Variants in TMEM40 observed in about 807,000 individuals in gnomAD.
TMEM40 encodes transmembrane protein 40.
In TMEM40, 34 loss-of-function variants were observed where a neutral mutation model predicts 40.8. The ratio of observed to expected loss-of-function variants is 0.83; its 90% confidence interval spans 0.63 to 1.11. The LOEUF (loss-of-function observed/expected upper bound fraction) is 1.11. Ranked by LOEUF, TMEM40 falls within the 50% of genes least tolerant of loss-of-function variation. The pLI, the probability that TMEM40 is intolerant of heterozygous loss-of-function variation, is 0.00. For missense variants in TMEM40, 296 were observed against 280.2 expected, an observed-to-expected ratio of 1.06 and a Z score of -0.40; for synonymous variants, 106 against 107.0, an observed-to-expected ratio of 0.99 and a Z score of 0.06.
In TMEM40 at chr3:12,755,233, C is replaced by CTCTGTCTTTCTTTCTT. The variant is rs1553634013; in HGVS notation, c.-9+3957_-9+3958insAAGAAAGAAAGACAGA. On this transcript the variant is annotated intron_variant, in intron 1 of 11. Transcript: ENST00000314124. ...TTTCTTTCTCTCTCTCTCTCTCTCT[C>CTCTGTCTTTCTTTCTT]TCTTTCTTTCTTTCTTTCTTTCTTT... Among the ~76,000 whole-genome samples, 8 of 59,886 alleles carry CTCTGTCTTTCTTTCTT rather than the reference C, an allele frequency of 1.3e-4. 2 individuals carry two copies. Among genetic ancestry groups the CTCTGTCTTTCTTTCTT allele is most frequent in the African/African-American group, 5.7e-4 (8 of 13,980 alleles). 39.3% of individuals were successfully genotyped at this position (59,886 alleles called of 152,430 possible). A position where few individuals can be genotyped will look rare whatever the true frequency, so the allele number is the denominator to read the frequency against.
chr3:12,735,403 A>T, intron 11 of TMEM40, 152 bp downstream of exon 11: 1 of 731,272 alleles, frequency 1.4e-6, no homozygotes, highest in South Asian at 1.6e-5. Flanking sequence ...CGGCTCATCC[A>T]GGGTCACAGA....
At position 12,734,122 on chromosome 3, in the gene TMEM40, C is replaced by G. The variant is rs1353008754; in HGVS notation, c.*652G>C. ...GAGATGGGGGTCTCACTATGTTGCCCAGGTTGGTCTTGAACTCTCAGCTTC... is the reference window on the plus strand; with the variant it reads ...GAGATGGGGGTCTCACTATGTTGCCGAGGTTGGTCTTGAACTCTCAGCTTC... On this transcript the variant is annotated 3_prime_UTR_variant, in exon 12 of 12. Coordinates refer to ENST00000314124, the MANE Select transcript of TMEM40 (RefSeq NM_018306.4). 6.6e-6 allele frequency: 1 copy of G among 152,122 alleles called. No homozygotes were observed. Among genetic ancestry groups the G allele is most frequent in the Non-Finnish European group, 1.5e-5 (1 of 68,108 alleles). 9.4% of individuals were successfully genotyped at this position (152,122 alleles called of 1,614,324 possible). A position where few individuals can be genotyped will look rare whatever the true frequency, so the allele number is the denominator to read the frequency against.
At chr3:12,765,278 C>G (rs2061589142) in intron 1 of TMEM40, among the ~76,000 whole-genome samples, 1 of 152,026 alleles carries the variant, frequency 6.6e-6, no homozygotes, top group Non-Finnish European at 1.5e-5. Flanking sequence ...GCAGAAAAAT[C>G]CTTTTGACAA....
upstream of TMEM40, among the ~76,000 whole-genome samples, chr3:12,761,706 C>A (rs976412730): frequency 2.6e-5 from 4 of 152,012 alleles, no homozygotes. Flanking sequence ...TGAGCATGAG[C>A]CATGCAGGGG....
chr3:12,769,228 C>A, intron 1 of TMEM40: 1 of 403,714 alleles, frequency 2.5e-6, no homozygotes, highest in Non-Finnish European at 5.1e-6. Flanking sequence ...CCCCGGTTCC[C>A]GCCCGTGCCT....
At chr3:12,761,838 G>A (rs1231569350), upstream of TMEM40, among the ~76,000 whole-genome samples, 1 of 152,082 alleles carries the variant, frequency 6.6e-6, no homozygotes, top group Admixed American at 6.6e-5. Context: ...AATGTGCTGT[G>A]AGTGTAAAAT....
At chr3:12,738,021 C>A in intron 7 of TMEM40, 115 bp downstream of exon 7, 1 of 1,315,136 alleles carries the variant, frequency 7.6e-7, no homozygotes, top group Non-Finnish European at 1.1e-6. Flanking sequence ...GTGACACTGG[C>A]TGGCGACAGC....
At chr3:12,758,369 A>G (rs929839450) in intron 1 of TMEM40, among the ~76,000 whole-genome samples, 1 of 152,240 alleles carries the variant, frequency 6.6e-6, no homozygotes, top group African/African-American at 2.4e-5. Flanking sequence ...AGAAGAAAAT[A>G]ATAAGCACAA....
upstream of TMEM40, among the ~76,000 whole-genome samples, chr3:12,760,295 GC>G (rs977140277): frequency 2.0e-5 from 3 of 152,112 alleles, no homozygotes; most frequent in African/African-American, 7.2e-5. Flanking sequence ...CCGCTCAGCA[GC>G]TGCCACACTC....
chr3:12,755,180 CTCCT>C lies in TMEM40; in HGVS notation c.-9+4007_-9+4010del, dbSNP rs143320946. On this transcript the variant is annotated intron_variant, in intron 1 of 11. Coordinates refer to ENST00000314124, the MANE Select transcript of TMEM40 (RefSeq NM_018306.4). ...TTTCTCTTTCTTTCTTTCTCTCTCT[CTCCT>C]TCCTTCCTTCCTTCCTTTCTTTCTT... Among the ~76,000 whole-genome samples the C allele has an allele frequency of 3.7e-4, 47 of 127,976 alleles. 1 individual carries two copies. In the East Asian group the frequency reaches 4.8e-3, roughly 13 times the overall value. The allele number at this position is 127,976 out of a possible 152,430, so 84.0% of individuals were successfully genotyped here.
intron 1 of TMEM40, among the ~76,000 whole-genome samples, chr3:12,766,897 A>G (rs1286437528): frequency 6.6e-6 from 1 of 152,112 alleles, no homozygotes; most frequent in Non-Finnish European, 1.5e-5. Flanking sequence ...TGATCAGGCC[A>G]CCTTGTGGAA....
intron 1 of TMEM40, 64 bp from the exon 2 acceptor site, chr3:12,749,904 C>A: frequency 1.4e-6 from 2 of 1,416,720 alleles, no homozygotes; most frequent in Non-Finnish European, 1.9e-6. Flanking sequence ...ATACAAAGAG[C>A]TTGGCAAATA....
chr3:12,734,371 G>GTGTAGAT lies in TMEM40; in HGVS notation c.*402_*403insATCTACA. On this transcript the variant is annotated 3_prime_UTR_variant, in exon 12 of 12. Transcript: ENST00000314124. ...TGGACCATCCATCTCTCCCAGGATG[G>GTGTAGAT]CTCGGTAGCACCTGAGAGCGCATGC... is the stretch of plus-strand genomic sequence containing the variant. 5.6e-6 allele frequency: 1 copy of GTGTAGAT among 179,504 alleles called. No homozygotes were observed. The highest frequency in any genetic ancestry group is 1.2e-5 in the Non-Finnish European group (1 of 85,806). 11.1% of individuals were successfully genotyped at this position (179,504 alleles called of 1,614,324 possible).
chr3:12,738,417 G>T, intron 6 of TMEM40, 136 bp downstream of exon 6: 1 of 1,107,050 alleles, frequency 9.0e-7, no homozygotes, highest in Non-Finnish European at 1.4e-6. Flanking sequence ...GATGAGCCTA[G>T]GCTAAGTGGA....
chr3:12,749,585 G>C (rs1464783300), intron 2 of TMEM40, among the ~76,000 whole-genome samples, 175 bp downstream of exon 2: 1 of 152,190 alleles, frequency 6.6e-6, no homozygotes, highest in Non-Finnish European at 1.5e-5. Context: ...CAGGAGGACA[G>C]ATTGGACCAT....
chr3:12,759,313 G>A (rs533725171), upstream of TMEM40: 2 of 152,510 alleles, frequency 1.3e-5, no homozygotes, highest in Admixed American at 6.5e-5. Context: ...CGGGACTACC[G>A]TGACGTTGTC....
intron 5 of TMEM40, 76 bp downstream of exon 5, chr3:12,742,378 A>G (rs2061390296): frequency 1.3e-6 from 2 of 1,546,102 alleles, no homozygotes; most frequent in Admixed American, 3.4e-5. Flanking sequence ...CACCCTCATG[A>G]CCTTGTTTCT....
At chr3:12,757,576 GACAT>G (rs1304104782) in intron 1 of TMEM40, among the ~76,000 whole-genome samples, 11 of 152,020 alleles carry the variant, frequency 7.2e-5, no homozygotes, top group African/African-American at 2.4e-4. Context: ...CTTACCATAA[GACAT>G]ACAGACACTA....
exon 1 of TMEM40, chr3:12,769,357 G>A (rs1414272280): frequency 3.1e-5 from 8 of 258,078 alleles, no homozygotes; most frequent in Admixed American, 4.1e-5. Flanking sequence ...CAGAGTGGGC[G>A]CCGAGGCTGA....
Sources: allele counts gnomAD v4.1 joint callset (sites outside exome capture counted in the v4.1 genomes callset), GRCh38; gene constraint gnomAD v4.1.1; transcripts MANE v1.5; gene names NCBI Gene and HGNC (gene_info 2026-07-23, HGNC 2026-07-21).